Variants in LRRC18 observed in about 807,000 individuals in gnomAD.
LRRC18 encodes the protein leucine rich repeat containing 18.
A neutral mutation model predicts 11.2 loss-of-function variants in LRRC18; 12 were observed. The observed-to-expected ratio is 1.07, with a 90% CI of 0.69 to 1.74. The LOEUF is 1.74. LRRC18 is among the 40% of genes most tolerant of loss of function. The pLI is 0.00. For synonymous variants in LRRC18, 155 were observed against 130.6 expected, an observed-to-expected ratio of 1.19 and a Z score of -1.27; for missense variants, 374 against 330.5, an observed-to-expected ratio of 1.13 and a Z score of -1.02.
chr10:48,929,182 A>T, the LRRC18 span, among the ~76,000 whole-genome samples: 1 of 152,122 alleles, frequency 6.6e-6, no homozygotes, highest in African/African-American at 2.4e-5. Flanking sequence ...ATCAAGTGGA[A>T]AAGTCTCTTT....
upstream of LRRC18, among the ~76,000 whole-genome samples, chr10:48,918,968 C>G (rs1202208541): frequency 6.6e-6 from 1 of 152,194 alleles, no homozygotes; most frequent in Non-Finnish European, 1.5e-5. Context: ...TTACCACTGA[C>G]CAACTGAATC....
the LRRC18 span, among the ~76,000 whole-genome samples, chr10:48,931,096 AACACAC>A: frequency 0.011 from 1,607 of 150,340 alleles, 33 homozygotes; most frequent in African/African-American, 0.036. Context: ...CTCACACTCA[AACACAC>A]ACACACACAC....
chr10:48,914,000 C>G (rs1838261851), exon 1 of LRRC18: 1 of 1,614,180 alleles, frequency 6.2e-7, no homozygotes, highest in Non-Finnish European at 8.5e-7. Context: ...CCAGCTCGTC[C>G]ATGTCACTAA....
the LRRC18 span, among the ~76,000 whole-genome samples, chr10:48,922,504 T>A: frequency 6.6e-6 from 1 of 152,238 alleles, no homozygotes; most frequent in African/African-American, 2.4e-5. Flanking sequence ...ATCTGTGAAG[T>A]TGAGAACAGT....
At chr10:48,925,609 CAGA>C in the LRRC18 span, among the ~76,000 whole-genome samples, 1 of 152,148 alleles carries the variant, frequency 6.6e-6, no homozygotes, top group Non-Finnish European at 1.5e-5. Flanking sequence ...TCCCTGTGGG[CAGA>C]AGGACAGATT....
exon 1 of LRRC18, chr10:48,913,715 G>A (rs41283291): frequency 0.13 from 204,219 of 1,612,568 alleles, 13,973 homozygotes; most frequent in Middle Eastern, 0.21. Context: ...GCCCTACCTC[G>A]TGGAGCTCCT....
the LRRC18 span, among the ~76,000 whole-genome samples, chr10:48,934,459 A>G: frequency 2.6e-5 from 4 of 152,204 alleles, no homozygotes; most frequent in Non-Finnish European, 5.9e-5. Context: ...TGGAGTCACA[A>G]AGACTCTAAG....
At chr10:48,934,760 G>A in the LRRC18 span, among the ~76,000 whole-genome samples, 25 of 152,226 alleles carry the variant, frequency 1.6e-4, no homozygotes, top group Non-Finnish European at 2.6e-4. Flanking sequence ...TTTCCTTAGA[G>A]GGGTGACTGG....
chr10:48,925,824 T>C, the LRRC18 span, among the ~76,000 whole-genome samples: 1 of 152,204 alleles, frequency 6.6e-6, no homozygotes, highest in African/African-American at 2.4e-5. Flanking sequence ...AGCTCCTCTC[T>C]ATCATTCACT....
chr10:48,927,377 G>C, the LRRC18 span, among the ~76,000 whole-genome samples: 6 of 152,148 alleles, frequency 3.9e-5, no homozygotes, highest in African/African-American at 1.4e-4. Context: ...TGGGTGGTGG[G>C]GGGAGGGGAA....
At chr10:48,916,869 ATATGTG>A (rs1564483302), upstream of LRRC18, among the ~76,000 whole-genome samples, 4 of 102,958 alleles carry the variant, frequency 3.9e-5, no homozygotes, top group South Asian at 3.7e-4. Context: ...TGCTTTAAAA[ATATGTG>A]TGTGTGTGTG....
exon 1 of LRRC18, chr10:48,914,211 T>C (rs1051811935): frequency 6.5e-7 from 1 of 1,537,806 alleles, no homozygotes; most frequent in Admixed American, 1.9e-5. Context: ...TAGTGATCAG[T>C]GTGAGGAAAA....
At chr10:48,912,462 GC>G (rs1473715908) in intron 1 of LRRC18, among the ~76,000 whole-genome samples, 1 of 152,174 alleles carries the variant, frequency 6.6e-6, no homozygotes, top group Admixed American at 6.5e-5. Flanking sequence ...AGAATCTTTG[GC>G]TTTTCTCTTT....
At chr10:48,910,125 G>T in exon 2 of LRRC18, 1 of 1,052,944 alleles carries the variant, frequency 9.5e-7, no homozygotes. Context: ...GGCGAGCCTG[G>T]TTTCCAGAAC....
the LRRC18 span, among the ~76,000 whole-genome samples, chr10:48,938,032 T>C: frequency 1.3e-5 from 2 of 152,338 alleles, no homozygotes; most frequent in East Asian, 3.9e-4. Flanking sequence ...TCCTGAGAAA[T>C]AGCCCACACG....
chr10:48,910,189 C>A lies in LRRC18; in HGVS notation c.*48G>T. 8.8e-6 allele frequency: 13 copies of A among 1,478,440 alleles called. No homozygotes were observed. In the South Asian group the frequency reaches 1.2e-4, roughly 14 times the overall value. 91.6% of individuals were successfully genotyped at this position (1,478,440 alleles called of 1,614,324 possible). ...ACTGGGGGCTTCTCCTCTTCAGAGT[C>A]GTTTATTCTGTTAGCTGAGTAGTCT... On this transcript the variant is annotated 3_prime_UTR_variant, in exon 2 of 2. Coordinates refer to ENST00000374160, the Ensembl canonical transcript of LRRC18.
At chr10:48,923,277 G>A in the LRRC18 span, among the ~76,000 whole-genome samples, 1 of 151,866 alleles carries the variant, frequency 6.6e-6, no homozygotes, top group South Asian at 2.1e-4. Flanking sequence ...GTGTACCACA[G>A]GGAACAGATG....
At chr10:48,934,041 C>T in the LRRC18 span, among the ~76,000 whole-genome samples, 1 of 152,138 alleles carries the variant, frequency 6.6e-6, no homozygotes, top group African/African-American at 2.4e-5. Context: ...CCATCTCTCC[C>T]TGGAGGCTGA....
upstream of LRRC18, among the ~76,000 whole-genome samples, chr10:48,915,959 A>T (rs887313108): frequency 6.6e-6 from 1 of 152,230 alleles, no homozygotes; most frequent in Admixed American, 6.5e-5. Flanking sequence ...CAGCTCTGAG[A>T]AACCAGATAG....
Sources: gnomAD v4.1 joint callset for allele counts (sites outside exome capture counted in the v4.1 genomes callset) on GRCh38, gnomAD v4.1.1 for gene constraint, MANE v1.5 for transcripts, NCBI Gene and HGNC (gene_info 2026-07-23, HGNC 2026-07-21) for gene names.